Variants in SLC13A4 observed in about 807,000 individuals in gnomAD.
SLC13A4 encodes Na(+)/sulfate cotransporter SUT-1.
Under a neutral mutation model 72.7 loss-of-function variants are expected in SLC13A4, and 28 were observed. The ratio of observed to expected loss-of-function variants is 0.39; its 90% CI spans 0.29 to 0.53. The LOEUF (loss-of-function observed/expected upper bound fraction) is 0.53. Among genes scored for constraint, SLC13A4 ranks in the 20% least tolerant of loss-of-function variants. The probability of loss-of-function intolerance (pLI) is 0.78; values close to 1 mark genes in which losing one functional copy is unlikely to be tolerated. For missense variants in SLC13A4, 653 were observed against 788.0 expected (o/e 0.83, Z 2.05); for synonymous variants, 312 against 325.5 (o/e 0.96, Z 0.45).
intron 8 of SLC13A4, among the ~76,000 whole-genome samples, chr7:135,695,985 T>G (rs1423049876): frequency 6.6e-6 from 1 of 152,212 alleles, no homozygotes. Flanking sequence ...CTCCAAATCT[T>G]TATCAACATC....
chr7:135,716,502 T>C (rs1418120543), intron 2 of SLC13A4, among the ~76,000 whole-genome samples: 1 of 152,156 alleles, frequency 6.6e-6, no homozygotes, highest in Non-Finnish European at 1.5e-5. Context: ...TTAGTAGAGA[T>C]GGGTTTCACC....
rs544903843 is a variant in SLC13A4, at chr7:135,718,106, T to C, written c.228+3289A>G. On this transcript the variant is annotated intron_variant, in intron 2 of 15. Coordinates refer to ENST00000682651, the MANE Select transcript of SLC13A4 (RefSeq NM_001318192.2). ...ACACACACGCGCGCGCGCGCACGCG[T>C]GCGCGCTAGTCTCCTCTTCGTTCTG... 3.0e-3 allele frequency among the ~76,000 whole-genome samples: 266 copies of C among 89,616 alleles called. 2 individuals carry two copies. Among genetic ancestry groups the C allele is most frequent in the African/African-American group, 0.012 (252 of 21,022 alleles). The allele number at this position is 89,616 out of a possible 152,430, so 58.8% of individuals were successfully genotyped here.
chr7:135,711,582 TCA>T (rs1286669270), intron 2 of SLC13A4, among the ~76,000 whole-genome samples: 1 of 152,052 alleles, frequency 6.6e-6, no homozygotes, highest in Non-Finnish European at 1.5e-5. Context: ...ATCTCCCAGG[TCA>T]CAGTGTAAGG....
intron 1 of SLC13A4, among the ~76,000 whole-genome samples, chr7:135,726,900 G>A (rs549966500): frequency 6.6e-6 from 1 of 152,262 alleles, no homozygotes; most frequent in African/African-American, 2.4e-5. Context: ...TGTGGTCATC[G>A]AAGCCCACCA....
chr7:135,727,239 A>G (rs1188260836), intron 1 of SLC13A4, among the ~76,000 whole-genome samples, 159 bp downstream of exon 1: 1 of 152,216 alleles, frequency 6.6e-6, no homozygotes, highest in African/African-American at 2.4e-5. Context: ...TTTAGGAAGA[A>G]GATATCTTGG....
chr7:135,706,353 G>T, intron 3 of SLC13A4, 53 bp from the exon 4 acceptor site: 1 of 1,532,792 alleles, frequency 6.5e-7, no homozygotes, highest in Non-Finnish European at 8.8e-7. Context: ...ACATCCCTGC[G>T]GCTCCACAGT....
At chr7:135,682,175 G>A (rs1303982450) in intron 15 of SLC13A4, among the ~76,000 whole-genome samples, 1 of 152,188 alleles carries the variant, frequency 6.6e-6, no homozygotes, top group African/African-American at 2.4e-5. Context: ...TGTACCTTGA[G>A]TTCACTTGGG....
At chr7:135,715,361 G>A (rs937497695) in intron 2 of SLC13A4, among the ~76,000 whole-genome samples, 1 of 129,984 alleles carries the variant, frequency 7.7e-6, no homozygotes, top group Non-Finnish European at 1.6e-5. Context: ...GTGTATGAGT[G>A]TATGTGTATG....
intron 15 of SLC13A4, among the ~76,000 whole-genome samples, 194 bp from the exon 16 acceptor site, chr7:135,681,894 T>A (rs1331549582): frequency 1.3e-5 from 2 of 152,202 alleles, no homozygotes; most frequent in Admixed American, 6.5e-5. Flanking sequence ...TAGAGTCATC[T>A]CCACTTCATG....
intron 10 of SLC13A4, 171 bp from the exon 11 acceptor site, chr7:135,692,595 G>A: frequency 1.7e-6 from 1 of 581,828 alleles, no homozygotes; most frequent in Non-Finnish European, 3.0e-6. Flanking sequence ...AGACTGAGTG[G>A]CCCCAGAAAA....
At position 135,681,455 on chromosome 7, in the gene SLC13A4, G is replaced by C; in HGVS notation, c.*108C>G. 7.0e-7 allele frequency: 1 copy of C among 1,435,802 alleles called. No individual in the cohort carries two copies. The highest frequency in any genetic ancestry group is 2.0e-5 in the Admixed American group (1 of 50,738). The allele number at this position is 1,435,802 out of a possible 1,614,324, so 88.9% of individuals were successfully genotyped here. On this transcript the variant is annotated 3_prime_UTR_variant, in exon 16 of 16. Coordinates refer to ENST00000682651, the MANE Select transcript of SLC13A4 (RefSeq NM_001318192.2). ...GGTGGAGGGATGCCCTCCGGCGTGGGTCTGGGGTTGTGTGCTCCTGGTGGT... is the reference window on the plus strand; with the variant it reads ...GGTGGAGGGATGCCCTCCGGCGTGGCTCTGGGGTTGTGTGCTCCTGGTGGT...
intron 1 of SLC13A4, among the ~76,000 whole-genome samples, chr7:135,725,967 T>A (rs1359115736): frequency 2.0e-5 from 3 of 151,992 alleles, no homozygotes; most frequent in Admixed American, 6.6e-5. Flanking sequence ...AGACTCTGCG[T>A]CTACAAAAAA....
chr7:135,712,135 A>AT (rs2129495057), intron 2 of SLC13A4, among the ~76,000 whole-genome samples: 1 of 151,440 alleles, frequency 6.6e-6, no homozygotes, highest in Non-Finnish European at 1.5e-5. Context: ...ACTGGTACAC[A>AT]TTTTTTATCT....
intron 2 of SLC13A4, among the ~76,000 whole-genome samples, chr7:135,713,117 C>T (rs1796340055): frequency 6.6e-6 from 1 of 152,220 alleles, no homozygotes; most frequent in Non-Finnish European, 1.5e-5. Context: ...TATAATTTCC[C>T]AGACTCACAT....
rs972850829 is a variant in SLC13A4 at position 135,696,315 on chromosome 7, C to T, written c.900-828G>A. ...TAAATGTCTCCCATCTTGAAAACTCCGTCTTGACCCTGCTCTACTTTCCTT... is the reference window on the plus strand; with the variant it reads ...TAAATGTCTCCCATCTTGAAAACTCTGTCTTGACCCTGCTCTACTTTCCTT... On this transcript the variant is annotated intron_variant, in intron 8 of 15. Transcript: ENST00000682651. Among the ~76,000 whole-genome samples the T allele has an allele frequency of 8.5e-5, 13 of 152,062 alleles. No individual in the cohort carries two copies. In the South Asian group the frequency reaches 1.9e-3, roughly 22 times the overall value.
chr7:135,713,938 C>T (rs527657606), intron 2 of SLC13A4, among the ~76,000 whole-genome samples: 5 of 152,300 alleles, frequency 3.3e-5, no homozygotes, highest in African/African-American at 4.8e-5. Context: ...GCCTGGCTCC[C>T]GCTCAGTGCT....
At chr7:135,716,244 C>T (rs1485075951) in intron 2 of SLC13A4, among the ~76,000 whole-genome samples, 1 of 152,174 alleles carries the variant, frequency 6.6e-6, no homozygotes, top group African/African-American at 2.4e-5. Flanking sequence ...GGCCACCCAC[C>T]TCTGGATGAG....
chr7:135,681,491 T>C lies in SLC13A4; in HGVS notation c.*72A>G. On this transcript the variant is annotated 3_prime_UTR_variant, in exon 16 of 16. Coordinates refer to ENST00000682651, the MANE Select transcript of SLC13A4 (RefSeq NM_001318192.2). ...TGTGCTCCTGGTGGTCCTAGTGGTT[T>C]TCTTTGCCTGTGGTCCAGATACTGC... The C allele has an allele frequency of 6.4e-7, 1 of 1,554,508 alleles. No homozygotes were observed. Among genetic ancestry groups the C allele is most frequent in the Non-Finnish European group, 8.7e-7 (1 of 1,145,314 alleles).
rs1267869560 is a variant in SLC13A4 at position 135,708,215 on chromosome 7, C to A, written c.264G>T (p.Leu88=). 6.2e-7 allele frequency: 1 copy of A among 1,614,240 alleles called. No individual in the cohort carries two copies. Among genetic ancestry groups the A allele is most frequent in the Admixed American group, 1.7e-5 (1 of 60,036 alleles). ...CCGCCACGCAGATGACCCCCACCAG[C>A]AGCAGCGTGGTGTTCTTGAAGTACT... ...AAEYFKNTTL[L]LVGVICVAAA... Residue 88 remains leucine (L), a synonymous_variant, in exon 3 of 16, where the codon CTG becomes CTT. Coordinates refer to ENST00000682651, the MANE Select transcript of SLC13A4 (RefSeq NM_001318192.2).
Sources: allele counts gnomAD v4.1 joint callset (sites outside exome capture counted in the v4.1 genomes callset), GRCh38; gene constraint gnomAD v4.1.1; transcripts MANE v1.5; gene names NCBI Gene and HGNC (gene_info 2026-07-23, HGNC 2026-07-21).